Variants in MEX3C observed in about 807,000 individuals in gnomAD.
MEX3C encodes RNA-binding E3 ubiquitin-protein ligase MEX3C.
Under a neutral mutation model 35.5 loss-of-function variants are expected in MEX3C, and 15 were observed. The observed-to-expected ratio is 0.42, with a 90% CI of 0.28 to 0.65. The LOEUF (loss-of-function observed/expected upper bound fraction) is 0.65, where lower values mean the gene tolerates loss of function less well. Ranked by LOEUF, MEX3C falls within the 30% of genes least tolerant of loss-of-function variation. The pLI, the probability that MEX3C is intolerant of heterozygous loss-of-function variation, is 0.20. For synonymous variants in MEX3C, 390 were observed against 352.8 expected (o/e 1.11, Z -1.18); for missense variants, 711 against 842.8 (o/e 0.84, Z 1.94).
Position 51,177,395 on chromosome 18 carries a change from A to C in MEX3C, c.936T>G (p.Pro312=). 6.2e-7 allele frequency: 1 copy of C among 1,613,970 alleles called. No homozygotes were observed. The highest frequency in any genetic ancestry group is 8.5e-7 in the Non-Finnish European group (1 of 1,179,876). The change falls in exon 2 of 2, where the codon CCT becomes CCG. Residue 312 remains proline, a synonymous_variant. Transcript: ENST00000406189. This position sits in a 1 kb window ranked among gnomAD's most constrained non-coding sequence, Gnocchi z 4.2. Reference sequence around the variant, plus strand: ...GACTACATGATAATCCTCCCAGGGCAGGCCCATTTTTGTTTCGAGATGCAC... The same window carrying C: ...GACTACATGATAATCCTCCCAGGGCCGGCCCATTTTTGTTTCGAGATGCAC... ...MIRASRNKNG[P]ALGGLSCSPN... is the part of the protein sequence containing the mutation.
chr18:51,197,048 C>A lies in MEX3C; in HGVS notation c.273G>T (p.Glu91Asp), dbSNP rs1460001188. 9 of 1,506,336 alleles carry A rather than the reference C, an allele frequency of 6.0e-6. No individual in the cohort carries two copies. The highest frequency in any genetic ancestry group is 1.4e-5 in the African/African-American group (1 of 69,124). 93.3% of individuals were successfully genotyped at this position (1,506,336 alleles called of 1,614,324 possible). ...ARRAAELSPE[E>D]RAPPGRPGAP... ...CCCCGGGCCGGCCGGGCGGAGCCCG[C>A]TCCTCTGGAGACAGCTCCGCCGCCC... The change falls in exon 1 of 2, where the codon GAG becomes GAT. Residue 91 changes from glutamate to aspartate, a missense_variant. By Grantham distance (45) the Glu-to-Asp change is conservative. Transcript: ENST00000406189.
rs1309151013 is a variant in MEX3C, at chr18:51,181,093, TTGAG to T, written c.755-3521_755-3518del. ...GAAGGTATTAGCTTTTTTGAGTACT[TTGAG>T]TTTTTATTTGAAAACTCGAAGATAT... On this transcript the variant is annotated intron_variant, in intron 1 of 1. Transcript: ENST00000406189. Among the ~76,000 whole-genome samples the T allele has an allele frequency of 1.1e-4, 17 of 152,326 alleles. No individual in the cohort carries two copies. The East Asian group carries it at 3.1e-3, about 28-fold the overall frequency.
At chr18:51,181,335 CAT>C (rs78416448) in intron 1 of MEX3C, among the ~76,000 whole-genome samples, 54,060 of 151,730 alleles carry the variant, frequency 0.36, 10,718 homozygotes, top group Non-Finnish European at 0.45. Flanking sequence ...TGCACACACA[CAT>C]CTCTCCCCTA....
rs1422729693 is a variant in MEX3C, at chr18:51,177,110, G to A, written c.1221C>T (p.Phe407=). The change falls in exon 2 of 2, where the codon TTC becomes TTT. Residue 407 remains phenylalanine (F), a synonymous_variant. Coordinates refer to ENST00000406189, the MANE Select transcript of MEX3C (RefSeq NM_016626.5). The surrounding 1 kb of genome is among the most constrained non-coding windows in gnomAD (Gnocchi z 4.2). The part of the protein sequence containing the change: ...NYIELNEEND[F]HYNGTDVSFE... Reference sequence around the variant, plus strand: ...AGCTTACATCGGTACCATTGTAATGGAAATCATTCTCTTCATTGAGCTCTA... The same window carrying A: ...AGCTTACATCGGTACCATTGTAATGAAAATCATTCTCTTCATTGAGCTCTA... 1.2e-6 allele frequency: 2 copies of A among 1,613,954 alleles called. No individual in the cohort carries two copies. The highest frequency in any genetic ancestry group is 4.5e-5 in the East Asian group (2 of 44,880).
rs868866245 is a variant in MEX3C at position 51,175,052 on chromosome 18, C to T, written c.*1299G>A. 1 of 152,308 alleles carries T rather than the reference C, an allele frequency of 6.6e-6. No homozygotes were observed. The highest frequency in any genetic ancestry group is 1.5e-5 in the Non-Finnish European group (1 of 67,982). The allele number at this position is 152,308 out of a possible 1,614,324, so 9.4% of individuals were successfully genotyped here. A position where few individuals can be genotyped will look rare whatever the true frequency, so the allele number is the denominator to read the frequency against. On this transcript the variant is annotated 3_prime_UTR_variant, in exon 2 of 2. Coordinates refer to ENST00000406189, the MANE Select transcript of MEX3C (RefSeq NM_016626.5). ...ATACTGAAAAAATCAAAATAAAAAC[C>T]GTTATTTGTAAACTTTTATACGAAA...
At chr18:51,194,373 G>T (rs1007068034) in intron 1 of MEX3C, 12 of 152,114 alleles carry the variant, frequency 7.9e-5, no homozygotes, top group African/African-American at 2.9e-4. Flanking sequence ...TTGTCTCCAT[G>T]ATCTAAGACA....
chr18:51,186,326 C>T (rs1435516208), intron 1 of MEX3C, among the ~76,000 whole-genome samples: 1 of 152,148 alleles, frequency 6.6e-6, no homozygotes, highest in African/African-American at 2.4e-5. Flanking sequence ...GACTTTACTA[C>T]TTACAGTAAA....
chr18:51,190,204 G>C (rs1037556312), intron 1 of MEX3C, among the ~76,000 whole-genome samples: 1 of 152,116 alleles, frequency 6.6e-6, no homozygotes, highest in South Asian at 2.1e-4. Flanking sequence ...GTCACAGGCA[G>C]CAAGTGCAAA....
intron 1 of MEX3C, among the ~76,000 whole-genome samples, chr18:51,183,915 T>G (rs1051163780): frequency 6.6e-6 from 1 of 152,238 alleles, no homozygotes; most frequent in Non-Finnish European, 1.5e-5. Flanking sequence ...GGTGAAGAAT[T>G]GCTTGTGTCC....
chr18:51,193,568 T>TA (rs1365636121), intron 1 of MEX3C: 5 of 152,206 alleles, frequency 3.3e-5, no homozygotes, highest in Admixed American at 6.5e-5. Flanking sequence ...AATTAGGTCT[T>TA]AAAATCTGTT....
At chr18:51,187,850 C>T (rs953444287) in intron 1 of MEX3C, among the ~76,000 whole-genome samples, 6 of 152,130 alleles carry the variant, frequency 3.9e-5, no homozygotes, top group African/African-American at 1.4e-4. Flanking sequence ...ACAGAATATT[C>T]AAAAGCTCCT....
At chr18:51,183,965 C>T (rs1156636870) in intron 1 of MEX3C, among the ~76,000 whole-genome samples, 3 of 152,104 alleles carry the variant, frequency 2.0e-5, no homozygotes, top group Non-Finnish European at 4.4e-5. Context: ...CACACCAATG[C>T]ACTCCAGCCT....
intron 1 of MEX3C, chr18:51,195,515 G>A (rs941943528): frequency 2.0e-5 from 3 of 152,196 alleles, no homozygotes; most frequent in African/African-American, 7.2e-5. Flanking sequence ...GATCATTTAA[G>A]CGGCAGCGCC....
In MEX3C at chr18:51,197,561, G is replaced by A. The variant is rs1032226450; in HGVS notation, c.-241C>T. Among the ~76,000 whole-genome samples the A allele has an allele frequency of 3.3e-4, 50 of 150,098 alleles. No individual in the cohort carries two copies. Among genetic ancestry groups the A allele is most frequent in the South Asian group, 4.2e-4 (2 of 4,732 alleles). On this transcript the variant is annotated 5_prime_UTR_variant, in exon 1 of 2. Transcript: ENST00000406189. ...AACTAGGTGGGTGGGTGGGGACGGC[G>A]GCGGGGCGGGCTGGTGGAGGTGGCA...
At chr18:51,187,970 G>A (rs1329430659) in intron 1 of MEX3C, among the ~76,000 whole-genome samples, 1 of 152,086 alleles carries the variant, frequency 6.6e-6, no homozygotes, top group Non-Finnish European at 1.5e-5. Context: ...AGACTAATGA[G>A]TATCAACTAA....
intron 1 of MEX3C, 164 bp downstream of exon 1, chr18:51,196,403 G>C: frequency 7.2e-7 from 1 of 1,385,768 alleles, no homozygotes. Flanking sequence ...TTCGCAAGGT[G>C]ACCCATCTTC....
Position 51,176,348 on chromosome 18 carries a change from T to G in MEX3C, c.*3A>C. The G allele has an allele frequency of 6.2e-7, 1 of 1,608,484 alleles. No homozygotes were observed. The highest frequency in any genetic ancestry group is 1.1e-5 in the South Asian group (1 of 90,394). On this transcript the variant is annotated 3_prime_UTR_variant, in exon 2 of 2. Coordinates refer to ENST00000406189, the MANE Select transcript of MEX3C (RefSeq NM_016626.5). ...GATATAGTATTTATGTATATATATA[T>G]AGTTAAGAGTGAATTTGGATTGCCT...
At chr18:51,193,063 C>G (rs1912686680) in intron 1 of MEX3C, 1 of 152,064 alleles carries the variant, frequency 6.6e-6, no homozygotes, top group Non-Finnish European at 1.5e-5. Flanking sequence ...TGGTTCCACC[C>G]TAAGAAATTG....
chr18:51,182,331 T>G (rs983218863), intron 1 of MEX3C, among the ~76,000 whole-genome samples: 1 of 152,282 alleles, frequency 6.6e-6, no homozygotes, highest in East Asian at 1.9e-4. Flanking sequence ...GGTAAATGAT[T>G]TCGTAGCCTC....
Sources: allele counts gnomAD v4.1 joint callset (sites outside exome capture counted in the v4.1 genomes callset), GRCh38; gene constraint gnomAD v4.1.1; non-coding constraint Gnocchi (gnomAD v3.1); transcripts MANE v1.5; gene names NCBI Gene and HGNC (gene_info 2026-07-23, HGNC 2026-07-21).